The following OGDHL variants were observed in gnomAD, a reference collection of about 807,000 sequenced individuals.
OGDHL encodes 2-oxoglutarate dehydrogenase-like, mitochondrial.
Under a neutral mutation model 109.6 loss-of-function variants are expected in OGDHL, and 79 were observed. That is an observed-to-expected ratio of 0.72 (90% CI 0.60 to 0.87). The LOEUF is 0.87. OGDHL is among the 40% of genes least tolerant of loss of function. The probability of loss-of-function intolerance (pLI) is 0.00; values close to 1 mark genes in which losing one functional copy is unlikely to be tolerated. For missense variants in OGDHL, 1,275 were observed against 1,362.2 expected (o/e 0.94, Z 1.01); for synonymous variants, 528 against 537.2 (o/e 0.98, Z 0.24).
In OGDHL at chr10:49,747,005, C is replaced by T. The variant is rs768197208; in HGVS notation, c.1167+24G>A. On this transcript the variant is annotated intron_variant, in intron 9 of 22. Coordinates refer to ENST00000374103, the MANE Select transcript of OGDHL (RefSeq NM_018245.3). ...GCCCACCCTGAAGGGCCCAGGTCCTCTGGGTTCCCCCAGGTGAGCTCACCT... is the reference window on the plus strand; with the variant it reads ...GCCCACCCTGAAGGGCCCAGGTCCTTTGGGTTCCCCCAGGTGAGCTCACCT... The T allele has an allele frequency of 2.4e-5, 38 of 1,611,800 alleles. 1 individual carries two copies. The South Asian group carries it at 4.1e-4, about 17-fold the overall frequency.
In OGDHL at chr10:49,749,711, G is replaced by A. The variant is rs777868148; in HGVS notation, c.987+15C>T. 1.9e-6 allele frequency: 3 copies of A among 1,575,340 alleles called. No homozygotes were observed. The highest frequency in any genetic ancestry group is 3.6e-5 in the Admixed American group (2 of 56,080). On this transcript the variant is annotated intron_variant, in intron 8 of 22. Coordinates refer to ENST00000374103, the MANE Select transcript of OGDHL (RefSeq NM_018245.3). Reference sequence around the variant, plus strand: ...CAGCTCTCCAAGGGTGCCGGGACCTGGGCATGGCACCCACCTCGTCCGCCG... The same window carrying A: ...CAGCTCTCCAAGGGTGCCGGGACCTAGGCATGGCACCCACCTCGTCCGCCG...
At chr10:49,745,555 G>C (rs1842118414) in intron 11 of OGDHL, 59 bp from the exon 12 acceptor site, 1 of 1,599,212 alleles carries the variant, frequency 6.3e-7, no homozygotes, top group Admixed American at 1.7e-5. Flanking sequence ...CAATGTAGCT[G>C]CTGCAAAATT....
chr10:49,745,592 A>G (rs1426954369), intron 11 of OGDHL, 96 bp from the exon 12 acceptor site: 8 of 1,490,104 alleles, frequency 5.4e-6, no homozygotes, highest in Non-Finnish European at 7.3e-6. Flanking sequence ...GGGCACACCC[A>G]CTGGGAGCCC....
In OGDHL at chr10:49,745,861, T is replaced by C. The variant is rs1458493167; in HGVS notation, c.1413A>G (p.Ile471Met). The C allele has an allele frequency of 1.2e-6, 2 of 1,614,160 alleles. No individual in the cohort carries two copies. The highest frequency in any genetic ancestry group is 1.1e-5 in the South Asian group (1 of 91,084). The part of the protein sequence containing the change: ...HVNADDPEAV[I>M]YVCSVAAEWR... ...ATTCGGCTGCCACACTGCACACATA[T>C]ATCACAGCCTCTGGGTCATCGGCAT... Residue 471 changes from isoleucine (I) to methionine (M), a missense_variant, in exon 11 of 23, where the codon ATA becomes ATG. Transcript: ENST00000374103.
chr10:49,752,006 T>A (rs1469022689), intron 5 of OGDHL, 25 bp from the exon 6 acceptor site: 1 of 1,613,696 alleles, frequency 6.2e-7, no homozygotes, highest in East Asian at 2.2e-5. Flanking sequence ...TGGGACCCCA[T>A]GAGGAGCGGG....
intron 22 of OGDHL, among the ~76,000 whole-genome samples, chr10:49,735,568 A>G (rs1158491081): frequency 1.3e-5 from 2 of 152,218 alleles, no homozygotes; most frequent in Non-Finnish European, 2.9e-5. Context: ...CTGTCCCTCC[A>G]TGTCACTGCA....
At position 49,739,585 on chromosome 10, in the gene OGDHL, G is replaced by C. The variant is rs1296777712; in HGVS notation, c.2319+76C>G. The C allele has an allele frequency of 7.2e-6, 11 of 1,535,342 alleles. No homozygotes were observed. The East Asian group carries it at 1.8e-4, about 25-fold the overall frequency. ...AGGCATATACCGTCCAACCCGACAA[G>C]GGGCCCAGGGTCCATCCCGCCCCTT... On this transcript the variant is annotated intron_variant, in intron 17 of 22. Coordinates refer to ENST00000374103, the MANE Select transcript of OGDHL (RefSeq NM_018245.3).
rs1030941198 is a variant in OGDHL, at chr10:49,756,196, G to C, written c.375+580C>G. 2.0e-5 allele frequency among the ~76,000 whole-genome samples: 3 copies of C among 152,158 alleles called. No individual in the cohort carries two copies. The East Asian group carries it at 5.8e-4, about 29-fold the overall frequency. On this transcript the variant is annotated intron_variant, in intron 3 of 22. Coordinates refer to ENST00000374103, the MANE Select transcript of OGDHL (RefSeq NM_018245.3). ...TCCCAGAGATATTCCAAATGATTAC[G>C]CTTGTTATGGCCTGAACACCGCAGC... is the stretch of plus-strand genomic sequence containing the variant.
intron 16 of OGDHL, 88 bp downstream of exon 16, chr10:49,740,622 C>G: frequency 6.7e-7 from 1 of 1,496,552 alleles, no homozygotes. Context: ...CTCGCCCCTC[C>G]CAGGCCCTGG....
At position 49,747,196 on chromosome 10, in the gene OGDHL, C is replaced by T. The variant is rs748813355; in HGVS notation, c.1000G>A (p.Val334Ile). The change falls in exon 9 of 23, where the codon GTC becomes ATC. Residue 334 changes from valine (V) to isoleucine (I), a missense_variant. Physicochemically the swap from Val to Ile is conservative, Grantham distance 29. Transcript: ENST00000374103. Reference sequence around the variant, plus strand: ...TGGTACATGCCCAGGTGGTACTTGACATCCCCGGAGCCCTGAAGGTGGAGA... The same window carrying T: ...TGGTACATGCCCAGGTGGTACTTGATATCCCCGGAGCCCTGAAGGTGGAGA... ...LEAADEGSGDVKYHLGMYHER... is the reference protein window; with the variant it reads ...LEAADEGSGDIKYHLGMYHER... The T allele has an allele frequency of 1.9e-6, 3 of 1,613,976 alleles. No homozygotes were observed. The highest frequency in any genetic ancestry group is 2.7e-5 in the African/African-American group (2 of 74,956).
intron 14 of OGDHL, 141 bp from the exon 15 acceptor site, chr10:49,743,119 C>T: frequency 9.0e-7 from 1 of 1,108,080 alleles, no homozygotes; most frequent in Non-Finnish European, 1.3e-6. Flanking sequence ...GCAGGAGGGC[C>T]CAGGGCCAGG....
chr10:49,737,996 T>C lies in OGDHL; in HGVS notation c.2468A>G (p.Asn823Ser), dbSNP rs760399452. 6 of 1,614,062 alleles carry C rather than the reference T, an allele frequency of 3.7e-6. No homozygotes were observed. Among genetic ancestry groups the C allele is most frequent in the South Asian group, 2.2e-5 (2 of 91,090 alleles). Residue 823 changes from asparagine (N) to serine (S), a missense_variant, in exon 19 of 23, where the codon AAC (asparagine) becomes AGC (serine). Coordinates refer to ENST00000374103, the MANE Select transcript of OGDHL (RefSeq NM_018245.3). Reference protein sequence around the residue: ...WIVVNCSTPANYFHVLRRQIL... With the variant: ...WIVVNCSTPASYFHVLRRQIL... The stretch of plus-strand genomic sequence containing the variant: ...CTGCCGGCGCAGCACGTGGAAGTAG[T>C]TGGCCGGTGTGGAGCAGTTGACCAC...
chr10:49,738,765 G>A (rs964615872), intron 17 of OGDHL: 15 of 176,300 alleles, frequency 8.5e-5, no homozygotes, highest in African/African-American at 1.9e-4. Flanking sequence ...TCACCCACAC[G>A]GACCGCTCTG....
intron 1 of OGDHL, among the ~76,000 whole-genome samples, chr10:49,760,376 C>T (rs1843198444): frequency 6.6e-6 from 1 of 152,198 alleles, no homozygotes. Flanking sequence ...CAGGCATGAG[C>T]TCTGGGGTCA....
At chr10:49,738,323 G>T in intron 17 of OGDHL, 61 bp from the exon 18 acceptor site, 1 of 1,577,762 alleles carries the variant, frequency 6.3e-7, no homozygotes, top group Non-Finnish European at 8.7e-7. Context: ...ATCTGGCCCT[G>T]CAGGGACCCC....
In OGDHL at chr10:49,756,922, C is replaced by T. The variant is rs776217472; in HGVS notation, c.229G>A (p.Ala77Thr). The change falls in exon 3 of 23, where the codon GCC (alanine) becomes ACC (threonine). Residue 77 changes from alanine (A) to threonine (T), a missense_variant. Transcript: ENST00000374103. ...HKSWDSFFRE[A>T]SEEAFSGSAQ... ...GAGCCAGAAAAGGCTTCCTCGCTGGCTTCCCTGAAGAAGCTGTCCCAGGAC... is the reference window on the plus strand; with the variant it reads ...GAGCCAGAAAAGGCTTCCTCGCTGGTTTCCCTGAAGAAGCTGTCCCAGGAC... 9.3e-6 allele frequency: 15 copies of T among 1,613,536 alleles called. No individual in the cohort carries two copies. The South Asian group carries it at 1.5e-4, about 17-fold the overall frequency.
chr10:49,743,665 CT>C (rs1452868242), intron 14 of OGDHL: 2 of 222,878 alleles, frequency 9.0e-6, no homozygotes, highest in Non-Finnish European at 1.8e-5. Flanking sequence ...GTTCCAGCCC[CT>C]GTATGGGAGC....
chr10:49,758,851 C>G (rs1324188804), intron 1 of OGDHL, among the ~76,000 whole-genome samples: 1 of 152,172 alleles, frequency 6.6e-6, no homozygotes. Flanking sequence ...ACACTCATCC[C>G]AGACCACACT....
At position 49,762,313 on chromosome 10, in the gene OGDHL, G is replaced by T. The variant is rs918352942; in HGVS notation, c.-76C>A. On this transcript the variant is annotated 5_prime_UTR_variant, in exon 1 of 23. Coordinates refer to ENST00000374103, the MANE Select transcript of OGDHL (RefSeq NM_018245.3). ...TCAGGGGGCTGCGCGGAAGGGGTGC[G>T]CGCGCGCCGTGCCAATTACCTGGGT... The T allele has an allele frequency of 6.6e-6, 1 of 152,122 alleles. No individual in the cohort carries two copies. The highest frequency in any genetic ancestry group is 1.5e-5 in the Non-Finnish European group (1 of 68,000). The allele number at this position is 152,122 out of a possible 1,614,324, so 9.4% of individuals were successfully genotyped here.
Sources: gnomAD v4.1 joint callset for allele counts (sites outside exome capture counted in the v4.1 genomes callset) on GRCh38, gnomAD v4.1.1 for gene constraint, MANE v1.5 for transcripts, NCBI Gene and HGNC (gene_info 2026-07-23, HGNC 2026-07-21) for gene names.